TECTA: variants seen among roughly 807,000 people sequenced by gnomAD.
The protein encoded by TECTA is tectorin alpha, also known as alpha-tectorin.
TECTA carries 128 observed loss-of-function variants against 216.8 expected under a neutral mutation model. The observed-to-expected ratio is 0.59, with a 90% CI of 0.51 to 0.68. The LOEUF is 0.68. TECTA is among the 30% of genes least tolerant of loss of function. The pLI, the probability that TECTA is intolerant of heterozygous loss-of-function variation, is 0.00. For synonymous variants in TECTA, 1,089 were observed against 1,117.1 expected (o/e 0.97, Z 0.50); for missense variants, 2,551 against 2,786.2 (o/e 0.92, Z 1.90).
At position 121,191,176 on chromosome 11, in the gene TECTA, T is replaced by A. The variant is rs1565542943; in HGVS notation, c.*370T>A. On this transcript the variant is annotated 3_prime_UTR_variant, in exon 24 of 24. Coordinates refer to ENST00000392793, the MANE Select transcript of TECTA (RefSeq NM_005422.4). ...GCCAGTGCTATTTCTGGATCACAGT[T>A]TTTTACAGAGAGAGGGCCTGTTGGA... 2 of 316,790 alleles carry A rather than the reference T, an allele frequency of 6.3e-6. No individual in the cohort carries two copies. The highest frequency in any genetic ancestry group is 1.2e-5 in the Non-Finnish European group (2 of 164,532). The allele number at this position is 316,790 out of a possible 1,614,324, so 19.6% of individuals were successfully genotyped here.
In TECTA at chr11:121,113,779, G is replaced by A. The variant is rs1946469095; in HGVS notation, c.790+61G>A. The A allele has an allele frequency of 6.2e-7, 1 of 1,602,776 alleles. No individual in the cohort carries two copies. The highest frequency in any genetic ancestry group is 8.5e-7 in the Non-Finnish European group (1 of 1,174,098). ...TTGTTTAGTGTAGATTGACAGGCAAGCTTTTAAGCCACGGGGGCGGACTCA... is the reference window on the plus strand; with the variant it reads ...TTGTTTAGTGTAGATTGACAGGCAAACTTTTAAGCCACGGGGGCGGACTCA... On this transcript the variant is annotated intron_variant, in intron 6 of 23. Transcript: ENST00000392793. The surrounding 1 kb of genome is among the most constrained non-coding windows in gnomAD (Gnocchi z 4.2).
At position 121,130,319 on chromosome 11, in the gene TECTA, G is replaced by A. The variant is rs573827971; in HGVS notation, c.2941+108G>A. The A allele has an allele frequency of 1.4e-5, 18 of 1,252,660 alleles. No homozygotes were observed. The South Asian group carries it at 2.4e-4, about 17-fold the overall frequency. The allele number at this position is 1,252,660 out of a possible 1,614,324, so 77.6% of individuals were successfully genotyped here. A position where few individuals can be genotyped will look rare whatever the true frequency, so the allele number is the denominator to read the frequency against. On this transcript the variant is annotated intron_variant, in intron 10 of 23. Coordinates refer to ENST00000392793, the MANE Select transcript of TECTA (RefSeq NM_005422.4). ...AGGTGGGACTGAGCTCAAGGGTGAT[G>A]TTAATTACTGTGTATACCTACCCTA...
At position 121,153,489 on chromosome 11, in the gene TECTA, C is replaced by T. The variant is rs558711476; in HGVS notation, c.4305+409C>T. Among the ~76,000 whole-genome samples the T allele has an allele frequency of 7.2e-5, 11 of 152,288 alleles. No individual in the cohort carries two copies. In the South Asian group the frequency reaches 2.3e-3, roughly 32 times the overall value. On this transcript the variant is annotated intron_variant, in intron 13 of 23. Coordinates refer to ENST00000392793, the MANE Select transcript of TECTA (RefSeq NM_005422.4). ...TATTTGTAGCTGTCTTAGCTAAGGA[C>T]ATTTGTAACTGGAAAATATGGAGCT...
At chr11:121,109,540 A>G (rs1946423910) in intron 4 of TECTA, 42 bp downstream of exon 4, 1 of 1,610,904 alleles carries the variant, frequency 6.2e-7, no homozygotes, top group East Asian at 2.2e-5. Context: ...ATAACCTGAC[A>G]TCTAATTCTT....
intron 7 of TECTA, among the ~76,000 whole-genome samples, chr11:121,124,289 A>G (rs1946585583): frequency 6.6e-6 from 1 of 152,178 alleles, no homozygotes; most frequent in Admixed American, 6.5e-5. Flanking sequence ...TTGTAGAATG[A>G]ATGGACCTTG....
At chr11:121,163,514 G>A (rs1354308885) in intron 16 of TECTA, among the ~76,000 whole-genome samples, 1 of 151,664 alleles carries the variant, frequency 6.6e-6, no homozygotes, top group Non-Finnish European at 1.5e-5. Flanking sequence ...ACGAGTTAAT[G>A]GGTGCAGCAC....
chr11:121,113,112 A>T lies in TECTA; in HGVS notation c.527A>T (p.Tyr176Phe). Residue 176 changes from tyrosine to phenylalanine, a missense_variant, in exon 5 of 24, where the codon TAT becomes TTT. By Grantham distance (22) the Tyr-to-Phe change is conservative (BLOSUM62 3). Around this residue, in one of 3 missense-constraint regions of TECTA, gnomAD observed 2,375 missense variants for 2,563.9 expected, o/e 0.93. Coordinates refer to ENST00000392793, the MANE Select transcript of TECTA (RefSeq NM_005422.4). The surrounding 1 kb of genome is among the most constrained non-coding windows in gnomAD (Gnocchi z 4.2). ...GCCGTCCTAGTGTCCGATGGCTCCT[A>T]TACATTCACCCTCTTCAATTATTAC... ...FQAVLVSDGS[Y>F]TFTLFNYYEI... 1 of 1,614,068 alleles carries T rather than the reference A, an allele frequency of 6.2e-7. No individual in the cohort carries two copies. The highest frequency in any genetic ancestry group is 8.5e-7 in the Non-Finnish European group (1 of 1,180,014).
chr11:121,170,432 T>C (rs147274543), intron 20 of TECTA, among the ~76,000 whole-genome samples: 1 of 145,726 alleles, frequency 6.9e-6, no homozygotes. Flanking sequence ...TGTTTTGTTT[T>C]GTTTTGTTTG....
At position 121,165,110 on chromosome 11, in the gene TECTA, T is replaced by C. The variant is rs527987138; in HGVS notation, c.5273-163T>C. 2.6e-5 allele frequency among the ~76,000 whole-genome samples: 4 copies of C among 152,358 alleles called. No individual in the cohort carries two copies. In the South Asian group the frequency reaches 8.3e-4, roughly 32 times the overall value. ...CCACAGCAAGCACCTATGTGCTAGC[T>C]ATTGACATTATTTTCTGGAAGGTTG... is the stretch of plus-strand genomic sequence containing the variant. On this transcript the variant is annotated intron_variant, in intron 16 of 23. Transcript: ENST00000392793.
intron 11 of TECTA, among the ~76,000 whole-genome samples, chr11:121,143,364 C>G (rs1398152807): frequency 6.6e-6 from 1 of 152,152 alleles, no homozygotes; most frequent in Non-Finnish European, 1.5e-5. Context: ...TGGGGCTGAG[C>G]CCTTTACTTT....
chr11:121,131,212 T>A (rs1387055159), intron 10 of TECTA, among the ~76,000 whole-genome samples: 7 of 13,566 alleles, frequency 5.2e-4, no homozygotes, highest in East Asian at 2.8e-3. Flanking sequence ...AGACTCCATC[T>A]CAAAAAAAAA....
chr11:121,171,005 C>T (rs958664154), intron 20 of TECTA, among the ~76,000 whole-genome samples: 6 of 152,028 alleles, frequency 3.9e-5, no homozygotes, highest in Non-Finnish European at 1.5e-5. Flanking sequence ...ATATTTGCCT[C>T]AACTAATGAT....
At chr11:121,139,187 C>A (rs1201418082) in intron 11 of TECTA, among the ~76,000 whole-genome samples, 2 of 152,178 alleles carry the variant, frequency 1.3e-5, no homozygotes, top group Non-Finnish European at 2.9e-5. Flanking sequence ...AACCTAAATC[C>A]CAGTTGTTTT....
At position 121,113,465 on chromosome 11, in the gene TECTA, T is replaced by A; in HGVS notation, c.625-88T>A. The A allele has an allele frequency of 6.4e-7, 1 of 1,568,136 alleles. No individual in the cohort carries two copies. Among genetic ancestry groups the A allele is most frequent in the Admixed American group, 1.7e-5 (1 of 59,862 alleles). On this transcript the variant is annotated intron_variant, in intron 5 of 23. Coordinates refer to ENST00000392793, the MANE Select transcript of TECTA (RefSeq NM_005422.4). This position sits in a 1 kb window ranked among gnomAD's most constrained non-coding sequence, Gnocchi z 4.2. The stretch of plus-strand genomic sequence containing the variant: ...AAAAGACGGCTCTTGATTTTAGAGG[T>A]GCTGGATTTTAAAAATAAGGTAGTT...
chr11:121,131,246 C>T (rs1227926348), intron 10 of TECTA, among the ~76,000 whole-genome samples: 4 of 151,146 alleles, frequency 2.6e-5, no homozygotes, highest in Non-Finnish European at 5.9e-5. Flanking sequence ...GGATTCATCC[C>T]TGACGGCTAT....
In TECTA at chr11:121,162,221, T is replaced by A; in HGVS notation, c.5123T>A (p.Leu1708His). ...TTCTTCCAGCCCTGCTATGGGCTTC[T>A]CGATCCCCTCCCATTCTACGAGTCC... ...KGFFQPCYGL[L>H]DPLPFYESCY... The change falls in exon 16 of 24, where the codon CTC (leucine) becomes CAC (histidine). Residue 1708 changes from leucine (L) to histidine (H), a missense_variant. Leu to His is a moderately conservative substitution (Grantham distance 99). Transcript: ENST00000392793. The A allele has an allele frequency of 6.2e-7, 1 of 1,614,196 alleles. No individual in the cohort carries two copies. The highest frequency in any genetic ancestry group is 8.5e-7 in the Non-Finnish European group (1 of 1,180,048).
rs753531221 is a variant in TECTA at position 121,129,676 on chromosome 11, T to G, written c.2406T>G (p.Pro802=). 6.2e-7 allele frequency: 1 copy of G among 1,614,116 alleles called. No individual in the cohort carries two copies. The highest frequency in any genetic ancestry group is 1.3e-5 in the African/African-American group (1 of 74,936). ...GQEVELPFFH[P]SGKLEIYRNK... is the part of the protein sequence containing the mutation. ...AAGTGGAATTGCCTTTTTTCCATCC[T>G]TCGGGGAAGCTGGAAATTTATCGAA... Residue 802 remains proline, a synonymous_variant, in exon 10 of 24, where the codon CCT becomes CCG. Coordinates refer to ENST00000392793, the MANE Select transcript of TECTA (RefSeq NM_005422.4).
In TECTA at chr11:121,145,745, A is replaced by G. The variant is rs779624448; in HGVS notation, c.3734A>G (p.Asn1245Ser). Reference protein sequence around the residue: ...NSTYGLCGRYNGNPDDDLEMP... With the variant: ...NSTYGLCGRYSGNPDDDLEMP... ...ACCTATGGTCTGTGTGGCCGCTACA[A>G]CGGCAACCCTGATGATGACCTGGAG... The change falls in exon 12 of 24, where the codon AAC (asparagine) becomes AGC (serine). Residue 1245 changes from asparagine to serine, a missense_variant. Physicochemically the swap from Asn to Ser is conservative, Grantham distance 46. Transcript: ENST00000392793. 16 of 1,614,208 alleles carry G rather than the reference A, an allele frequency of 9.9e-6. No individual in the cohort carries two copies. Among genetic ancestry groups the G allele is most frequent in the Non-Finnish European group, 1.2e-5 (14 of 1,180,038 alleles).
At chr11:121,116,060 G>A (rs1419588608) in intron 6 of TECTA, among the ~76,000 whole-genome samples, 1 of 152,178 alleles carries the variant, frequency 6.6e-6, no homozygotes, top group Admixed American at 6.5e-5. Flanking sequence ...CTCTAAGGTA[G>A]GTCATGTGTG....
Sources: allele counts gnomAD v4.1 joint callset (sites outside exome capture counted in the v4.1 genomes callset), GRCh38; gene constraint gnomAD v4.1.1; regional missense constraint gnomAD v4.1.1; non-coding constraint Gnocchi (gnomAD v3.1); transcripts MANE v1.5; gene names NCBI Gene and HGNC (gene_info 2026-07-23, HGNC 2026-07-21).